KLRG1: variants seen among roughly 807,000 people sequenced by gnomAD.
KLRG1 encodes the protein killer cell lectin-like receptor subfamily G member 1.
A neutral mutation model predicts 21.8 loss-of-function variants in KLRG1; 16 were observed. The ratio of observed to expected loss-of-function variants is 0.73; its 90% CI spans 0.50 to 1.11. The LOEUF (loss-of-function observed/expected upper bound fraction) is 1.11, where lower values mean the gene tolerates loss of function less well. Among genes scored for constraint, KLRG1 ranks in the 50% most tolerant of loss-of-function variants. KLRG1 has a pLI of 0.00. For missense variants in KLRG1, 173 were observed against 218.3 expected, an observed-to-expected ratio of 0.79 and a Z score of 1.31; for synonymous variants, 69 against 75.9, an observed-to-expected ratio of 0.91 and a Z score of 0.47.
chr12:9,070,014 A>G, the KLRG1 span, among the ~76,000 whole-genome samples: 1 of 152,268 alleles, frequency 6.6e-6, no homozygotes, highest in Non-Finnish European at 1.5e-5. Context: ...ACTAATGTGT[A>G]AAGTTATTTA....
At chr12:9,146,765 G>A in the KLRG1 span, among the ~76,000 whole-genome samples, 2 of 152,058 alleles carry the variant, frequency 1.3e-5, no homozygotes, top group Non-Finnish European at 2.9e-5. Flanking sequence ...ATGAGCTAGG[G>A]GAGTTATAGT....
chr12:9,169,122 T>C, the KLRG1 span: 5 of 613,402 alleles, frequency 8.2e-6, no homozygotes, highest in East Asian at 5.8e-5. Context: ...GTAGTGAAAT[T>C]ACTAAACTTA....
chr12:9,034,199 A>G, the KLRG1 span, among the ~76,000 whole-genome samples: 9 of 152,252 alleles, frequency 5.9e-5, no homozygotes, highest in Admixed American at 2.0e-4. Context: ...CCGTAATTAT[A>G]TCCATAAGAT....
the KLRG1 span, among the ~76,000 whole-genome samples, chr12:9,200,034 C>T: frequency 1.3e-5 from 2 of 151,992 alleles, no homozygotes; most frequent in African/African-American, 4.8e-5. Context: ...ATCGTGTTGT[C>T]GCAGAAGTGG....
At chr12:9,109,842 C>T in the KLRG1 span, 1 of 1,565,262 alleles carries the variant, frequency 6.4e-7, no homozygotes, top group African/African-American at 1.4e-5. Flanking sequence ...AAAAATAATG[C>T]TTGATGACTT....
the KLRG1 span, among the ~76,000 whole-genome samples, chr12:9,198,398 A>G: frequency 2.0e-5 from 3 of 152,108 alleles, no homozygotes; most frequent in African/African-American, 7.2e-5. Flanking sequence ...ATTCTTCTTT[A>G]TTTTGTTTTA....
chr12:9,045,097 A>C, the KLRG1 span, among the ~76,000 whole-genome samples: 6 of 152,218 alleles, frequency 3.9e-5, no homozygotes, highest in African/African-American at 1.4e-4. Context: ...GGCATGACTT[A>C]TAAAGAGCTT....
the KLRG1 span, chr12:9,151,536 T>G: frequency 7.7e-7 from 1 of 1,299,750 alleles, no homozygotes; most frequent in Admixed American, 1.9e-5. Flanking sequence ...TACCGACTAT[T>G]CTAGTAAAGA....
the KLRG1 span, chr12:9,091,432 G>A: frequency 2.5e-6 from 4 of 1,613,840 alleles, no homozygotes; most frequent in South Asian, 4.4e-5. Flanking sequence ...CTGCTGAGCT[G>A]GAGAGGAGTG....
At chr12:8,998,127 G>A (rs1270825142) in intron 3 of KLRG1, among the ~76,000 whole-genome samples, 15 of 152,042 alleles carry the variant, frequency 9.9e-5, no homozygotes, top group Non-Finnish European at 1.9e-4. Context: ...TCAGGCGTTC[G>A]AGACCAGCCT....
upstream of KLRG1, chr12:8,987,202 C>T (rs1055650142): frequency 6.6e-6 from 1 of 152,044 alleles, no homozygotes; most frequent in Non-Finnish European, 1.5e-5. Flanking sequence ...TGTTTGTCTC[C>T]CCCAGATTCA....
intron 1 of KLRG1, among the ~76,000 whole-genome samples, chr12:8,976,583 T>C (rs1946660653): frequency 6.6e-6 from 1 of 152,260 alleles, no homozygotes; most frequent in Non-Finnish European, 1.5e-5. Context: ...ATTTATTGTA[T>C]TGCTGTCAAT....
At chr12:9,152,976 A>T in the KLRG1 span, 1 of 1,613,964 alleles carries the variant, frequency 6.2e-7, no homozygotes, top group South Asian at 1.1e-5. Flanking sequence ...AGACACTATC[A>T]GTTTCTCTCT....
the KLRG1 span, chr12:9,093,360 T>C: frequency 6.8e-6 from 5 of 734,840 alleles, no homozygotes; most frequent in East Asian, 1.3e-4. Flanking sequence ...CATCATGTTG[T>C]ACATCATAAA....
At chr12:9,049,746 C>T in the KLRG1 span, among the ~76,000 whole-genome samples, 1 of 152,266 alleles carries the variant, frequency 6.6e-6, no homozygotes, top group Non-Finnish European at 1.5e-5. Flanking sequence ...TCTTTTATTA[C>T]TGTATATGAA....
At chr12:9,024,881 G>A in the KLRG1 span, among the ~76,000 whole-genome samples, 1 of 152,122 alleles carries the variant, frequency 6.6e-6, no homozygotes, top group Non-Finnish European at 1.5e-5. Context: ...TGATAGTAAA[G>A]TCTTTATTTC....
the KLRG1 span, chr12:9,194,328 AAAC>A: frequency 1.5e-5 from 19 of 1,245,530 alleles, no homozygotes; most frequent in Middle Eastern, 5.9e-4. Flanking sequence ...GCTATAACTA[AAAC>A]AACAACCTCC....
intron 1 of KLRG1, among the ~76,000 whole-genome samples, chr12:8,980,550 G>A (rs997051739): frequency 6.6e-6 from 1 of 152,182 alleles, no homozygotes; most frequent in Non-Finnish European, 1.5e-5. Context: ...TGGGTGAGGT[G>A]CATGGTGCAC....
the KLRG1 span, chr12:9,165,992 A>T: frequency 1.3e-6 from 2 of 1,532,876 alleles, no homozygotes; most frequent in Non-Finnish European, 1.8e-6. Context: ...TAGAATTGAA[A>T]ATGTTGGAGG....
Sources: gnomAD v4.1 joint callset for allele counts (sites outside exome capture counted in the v4.1 genomes callset) on GRCh38, gnomAD v4.1.1 for gene constraint, MANE v1.5 for transcripts, NCBI Gene and HGNC (gene_info 2026-07-23, HGNC 2026-07-21) for gene names.